The following PHF20 variants were observed in gnomAD, a reference collection of about 807,000 sequenced individuals.
PHF20 encodes PHD finger protein 20, also known as glioma-expressed antigen 2.
PHF20 carries 23 observed loss-of-function variants against 113.5 expected under a neutral mutation model. The ratio of observed to expected loss-of-function variants is 0.20; its 90% CI spans 0.15 to 0.29. The LOEUF is 0.29. PHF20 is among the 10% of genes least tolerant of loss of function. The pLI is 1.00. For missense variants in PHF20, 943 were observed against 1,219.6 expected (o/e 0.77, Z 3.38); for synonymous variants, 434 against 457.3 (o/e 0.95, Z 0.65).
chr20:35,899,290 A>C, intron 9 of PHF20, 80 bp from the exon 10 acceptor site: 1 of 1,168,248 alleles, frequency 8.6e-7, no homozygotes, highest in South Asian at 1.5e-5. Context: ...TTTCACCCTC[A>C]GTTGTCATGT....
rs534859139 is a variant in PHF20 at position 35,808,918 on chromosome 20, C to T, written c.83+7313C>T. ...CGTGTCTTTATGGAAAAGAGGAAAACGTTATGGCCATCTTGTACAAATTTC... is the reference window on the plus strand; with the variant it reads ...CGTGTCTTTATGGAAAAGAGGAAAATGTTATGGCCATCTTGTACAAATTTC... On this transcript the variant is annotated intron_variant, in intron 2 of 17. Coordinates refer to ENST00000374012, the MANE Select transcript of PHF20 (RefSeq NM_016436.5). Among the ~76,000 whole-genome samples the T allele has an allele frequency of 8.9e-4, 134 of 150,770 alleles. 2 individuals carry two copies. Among genetic ancestry groups the T allele is most frequent in the South Asian group, 4.2e-3 (20 of 4,724 alleles).
intron 10 of PHF20, among the ~76,000 whole-genome samples, chr20:35,905,422 A>G (rs528510888): frequency 2.0e-4 from 31 of 152,254 alleles, no homozygotes; most frequent in African/African-American, 7.5e-4. Context: ...GGCAATAATT[A>G]AGTTTAAATG....
chr20:35,934,829 C>A (rs986447760), intron 15 of PHF20, among the ~76,000 whole-genome samples: 11 of 152,146 alleles, frequency 7.2e-5, no homozygotes, highest in African/African-American at 2.7e-4. Flanking sequence ...AAATGACGGC[C>A]CTGGATAGGA....
intron 1 of PHF20, among the ~76,000 whole-genome samples, chr20:35,776,949 C>A (rs1284012843): frequency 1.3e-5 from 2 of 152,224 alleles, no homozygotes; most frequent in Non-Finnish European, 2.9e-5. Flanking sequence ...GATCTGATTT[C>A]TTTCATGTGC....
chr20:35,901,667 T>G (rs1326497383), intron 10 of PHF20, among the ~76,000 whole-genome samples: 2 of 152,238 alleles, frequency 1.3e-5, no homozygotes, highest in Non-Finnish European at 2.9e-5. Flanking sequence ...TGGTCATTTC[T>G]TAATCAGTTT....
chr20:35,810,764 T>A (rs2146882109), intron 2 of PHF20, among the ~76,000 whole-genome samples: 1 of 152,318 alleles, frequency 6.6e-6, no homozygotes, highest in African/African-American at 2.4e-5. Context: ...GCATTCTGAT[T>A]ATGTTCACCT....
At chr20:35,802,410 A>G (rs931272933) in intron 2 of PHF20, among the ~76,000 whole-genome samples, 2 of 151,494 alleles carry the variant, frequency 1.3e-5, no homozygotes, top group Non-Finnish European at 2.9e-5. Flanking sequence ...GCTCACTGCA[A>G]CCTCTGCCTC....
intron 4 of PHF20, chr20:35,850,909 GA>G: frequency 4.4e-6 from 3 of 688,566 alleles, no homozygotes; most frequent in Non-Finnish European, 7.6e-6. Flanking sequence ...TTGACCAAGG[GA>G]AACATCGTGA....
chr20:35,845,860 C>T (rs1404425596), intron 3 of PHF20, among the ~76,000 whole-genome samples: 2 of 151,492 alleles, frequency 1.3e-5, no homozygotes, highest in Non-Finnish European at 2.9e-5. Context: ...TCACTGCAAC[C>T]TGTCTTTCGG....
chr20:35,812,511 G>A (rs2041996224), intron 2 of PHF20, among the ~76,000 whole-genome samples: 1 of 152,170 alleles, frequency 6.6e-6, no homozygotes, highest in South Asian at 2.1e-4. Flanking sequence ...CCACATTCTG[G>A]TTTAGTCACA....
intron 2 of PHF20, among the ~76,000 whole-genome samples, chr20:35,816,069 G>T (rs1292942461): frequency 1.3e-5 from 2 of 152,098 alleles, no homozygotes; most frequent in African/African-American, 4.8e-5. Context: ...TGATTCTCCT[G>T]CCTCAGTCTC....
chr20:35,804,788 T>C (rs2041850902), intron 2 of PHF20, among the ~76,000 whole-genome samples: 1 of 152,204 alleles, frequency 6.6e-6, no homozygotes, highest in Admixed American at 6.5e-5. Context: ...ACACAGACTT[T>C]TACTTGGGCA....
intron 9 of PHF20, among the ~76,000 whole-genome samples, chr20:35,888,632 T>C (rs2054783307): frequency 6.6e-6 from 1 of 152,304 alleles, no homozygotes; most frequent in South Asian, 2.1e-4. Context: ...ATTTACAATA[T>C]TTTCTTCTGG....
At chr20:35,872,002 C>G (rs1040801618) in intron 9 of PHF20, 173 bp downstream of exon 9, 9 of 467,360 alleles carry the variant, frequency 1.9e-5, no homozygotes, top group African/African-American at 1.8e-4. Flanking sequence ...TTTGTGTTCC[C>G]TCTCTTAGTA....
intron 2 of PHF20, among the ~76,000 whole-genome samples, chr20:35,821,637 T>A (rs1294483179): frequency 1.3e-5 from 2 of 152,052 alleles, no homozygotes; most frequent in East Asian, 3.9e-4. Flanking sequence ...CCATCCCAGG[T>A]GACAGAGCCA....
intron 4 of PHF20, among the ~76,000 whole-genome samples, chr20:35,857,457 T>C (rs2042852187): frequency 6.6e-6 from 1 of 151,958 alleles, no homozygotes; most frequent in Admixed American, 6.6e-5. Context: ...TTTGACCAAG[T>C]CTCTATTTTA....
chr20:35,889,219 T>C (rs1318169294), intron 9 of PHF20, among the ~76,000 whole-genome samples: 1 of 151,902 alleles, frequency 6.6e-6, no homozygotes, highest in Non-Finnish European at 1.5e-5. Flanking sequence ...TTTTGTCATG[T>C]TAGCCAGGCT....
intron 15 of PHF20, among the ~76,000 whole-genome samples, chr20:35,934,611 C>T (rs907226726): frequency 1.4e-4 from 22 of 151,868 alleles, no homozygotes; most frequent in African/African-American, 5.4e-4. Context: ...CAGCTCTACC[C>T]CAGTCCCCAG....
chr20:35,851,575 C>T (rs545398382), intron 4 of PHF20, among the ~76,000 whole-genome samples: 3 of 151,958 alleles, frequency 2.0e-5, no homozygotes, highest in African/African-American at 7.2e-5. Context: ...TGCTTCCCCC[C>T]CAACCCCCAC....
Sources: allele counts gnomAD v4.1 joint callset (sites outside exome capture counted in the v4.1 genomes callset), GRCh38; gene constraint gnomAD v4.1.1; transcripts MANE v1.5; gene names NCBI Gene and HGNC (gene_info 2026-07-23, HGNC 2026-07-21).